The following SMOC2 variants were observed in gnomAD, a reference collection of about 807,000 sequenced individuals.
The protein encoded by SMOC2 is SPARC related modular calcium binding 2, also known as SPARC-related modular calcium-binding protein 2.
In SMOC2, 39 loss-of-function variants were observed where a neutral mutation model predicts 61.4. The observed-to-expected ratio is 0.64, with a 90% CI of 0.49 to 0.83. The LOEUF (loss-of-function observed/expected upper bound fraction) is 0.83, where lower values mean the gene tolerates loss of function less well. Among genes scored for constraint, SMOC2 ranks in the 40% least tolerant of loss-of-function variants. The probability of loss-of-function intolerance (pLI) is 0.00; values close to 1 mark genes in which losing one functional copy is unlikely to be tolerated. For synonymous variants in SMOC2, 247 were observed against 239.9 expected (o/e 1.03, Z -0.27); for missense variants, 556 against 592.9 (o/e 0.94, Z 0.65).
At chr6:168,465,037 C>T (rs1194836042) in intron 1 of SMOC2, among the ~76,000 whole-genome samples, 1 of 152,180 alleles carries the variant, frequency 6.6e-6, no homozygotes, top group African/African-American at 2.4e-5. Flanking sequence ...AGGAGCGGCC[C>T]CACCTTGCCC....
chr6:168,650,399 G>GT (rs1787162462), intron 9 of SMOC2, among the ~76,000 whole-genome samples: 1 of 152,180 alleles, frequency 6.6e-6, no homozygotes, highest in Non-Finnish European at 1.5e-5. Context: ...CGCTGGATGA[G>GT]TGACACTGCC....
chr6:168,619,566 G>A (rs977272739), intron 9 of SMOC2, among the ~76,000 whole-genome samples: 1 of 152,168 alleles, frequency 6.6e-6, no homozygotes, highest in Non-Finnish European at 1.5e-5. Flanking sequence ...TAACAAGTAT[G>A]CTTTTAACTG....
At chr6:168,615,792 G>C (rs78030885) in intron 9 of SMOC2, among the ~76,000 whole-genome samples, 34,457 of 142,968 alleles carry the variant, frequency 0.24, 5,010 homozygotes, top group Non-Finnish European at 0.25. Flanking sequence ...TTTTCTTGGG[G>C]CCCCAAGCAA....
chr6:168,617,057 G>A (rs539883051), intron 9 of SMOC2, among the ~76,000 whole-genome samples: 1 of 152,302 alleles, frequency 6.6e-6, no homozygotes, highest in East Asian at 1.9e-4. Flanking sequence ...AAGAAGGAGC[G>A]ATATGGCTAC....
At chr6:168,449,714 C>T (rs1474964735) in intron 1 of SMOC2, among the ~76,000 whole-genome samples, 1 of 152,188 alleles carries the variant, frequency 6.6e-6, no homozygotes, top group Non-Finnish European at 1.5e-5. Context: ...AGATTCTGGG[C>T]TGTCCAGCTC....
At chr6:168,500,509 C>T (rs1045642778) in intron 1 of SMOC2, among the ~76,000 whole-genome samples, 2 of 152,012 alleles carry the variant, frequency 1.3e-5, no homozygotes, top group Admixed American at 1.3e-4. Flanking sequence ...AGGGTCTCCG[C>T]GTGGTCATGC....
At position 168,598,990 on chromosome 6, in the gene SMOC2, C is replaced by A. The variant is rs41266325; in HGVS notation, c.810C>A (p.Pro270=). 3.1e-6 allele frequency: 5 copies of A among 1,605,532 alleles called. No individual in the cohort carries two copies. The Admixed American group carries it at 8.6e-5, about 28-fold the overall frequency. Residue 270 remains proline, a synonymous_variant, in exon 8 of 13, where the codon CCC becomes CCA. Transcript: ENST00000356284. The part of the protein sequence containing the change: ...CVLVDTGRPI[P]GTSTRYEQPK... ...TGGTGGACACGGGGCGCCCCATTCCCGGCACATCCACAAGGTAAATAGGGT... is the reference window on the plus strand; with the variant it reads ...TGGTGGACACGGGGCGCCCCATTCCAGGCACATCCACAAGGTAAATAGGGT...
At chr6:168,486,379 C>T (rs993896132) in intron 1 of SMOC2, among the ~76,000 whole-genome samples, 1 of 152,092 alleles carries the variant, frequency 6.6e-6, no homozygotes, top group Non-Finnish European at 1.5e-5. Context: ...AGAAGCTTTG[C>T]ACTCCAACAT....
chr6:168,487,055 C>T (rs1184797046), intron 1 of SMOC2, among the ~76,000 whole-genome samples: 1 of 152,192 alleles, frequency 6.6e-6, no homozygotes, highest in Non-Finnish European at 1.5e-5. Context: ...ACATGGCCCT[C>T]GCTGGCCTTT....
intron 7 of SMOC2, among the ~76,000 whole-genome samples, chr6:168,590,385 G>A (rs1422108245): frequency 2.5e-5 from 3 of 119,796 alleles, no homozygotes; most frequent in African/African-American, 9.4e-5. Flanking sequence ...CCGGTCTGGT[G>A]GTGGTCAGGT....
rs545628285 is a variant in SMOC2 at position 168,608,137 on chromosome 6, C to A, written c.825-20C>A. 1 of 1,599,910 alleles carries A rather than the reference C, an allele frequency of 6.3e-7. No individual in the cohort carries two copies. Among genetic ancestry groups the A allele is most frequent in the East Asian group, 2.3e-5 (1 of 44,308 alleles). On this transcript the variant is annotated intron_variant, in intron 8 of 12. Coordinates refer to ENST00000356284, the MANE Select transcript of SMOC2 (RefSeq NM_001166412.2). Reference sequence around the variant, plus strand: ...CCCGTTGTTTTCTCTCTCCTTCCCCCGCCTTCCCCCCGCCCATAGGTACGA... The same window carrying A: ...CCCGTTGTTTTCTCTCTCCTTCCCCAGCCTTCCCCCCGCCCATAGGTACGA...
At position 168,550,126 on chromosome 6, in the gene SMOC2, T is replaced by C. The variant is rs568405122; in HGVS notation, c.637+923T>C. ...CAGTTGATTGCTTGTGTGTTTCTCA[T>C]TGCCTTTTCAAATAAGAATTTCACA... is the stretch of plus-strand genomic sequence containing the variant. On this transcript the variant is annotated intron_variant, in intron 7 of 12. Coordinates refer to ENST00000356284, the MANE Select transcript of SMOC2 (RefSeq NM_001166412.2). Among the ~76,000 whole-genome samples, 9 of 152,320 alleles carry C rather than the reference T, an allele frequency of 5.9e-5. No homozygotes were observed. The South Asian group carries it at 1.9e-3, about 32-fold the overall frequency.
chr6:168,601,766 T>G (rs1426738700), intron 8 of SMOC2, among the ~76,000 whole-genome samples: 2 of 152,220 alleles, frequency 1.3e-5, no homozygotes, highest in Non-Finnish European at 2.9e-5. Flanking sequence ...CAGCATTTAC[T>G]ACGCTGTGCC....
At chr6:168,519,007 GTA>G (rs1286492602) in intron 2 of SMOC2, among the ~76,000 whole-genome samples, 3 of 143,308 alleles carry the variant, frequency 2.1e-5, no homozygotes, top group African/African-American at 7.5e-5. Flanking sequence ...GCATGTGTGA[GTA>G]TGCGTGCATG....
intron 1 of SMOC2, among the ~76,000 whole-genome samples, chr6:168,505,873 A>C (rs1201431570): frequency 6.6e-6 from 1 of 152,170 alleles, no homozygotes; most frequent in Non-Finnish European, 1.5e-5. Flanking sequence ...CTCTTCACGC[A>C]CTGGGCCTCA....
At chr6:168,511,232 C>T (rs1460087571) in intron 2 of SMOC2, among the ~76,000 whole-genome samples, 2 of 152,152 alleles carry the variant, frequency 1.3e-5, no homozygotes, top group African/African-American at 4.8e-5. Flanking sequence ...TCTCACACTG[C>T]TAATAAAGAC....
At chr6:168,652,890 A>T (rs746771012) in intron 10 of SMOC2, 64 bp from the exon 11 acceptor site, 109 of 1,522,128 alleles carry the variant, frequency 7.2e-5, no homozygotes, top group Non-Finnish European at 2.2e-5. Flanking sequence ...TGAGGGAAGG[A>T]CAGTGGCCAG....
In SMOC2 at chr6:168,509,972, C is replaced by T. The variant is rs201929009; in HGVS notation, c.142C>T (p.Pro48Ser). The change falls in exon 2 of 13, where the codon CCC becomes TCC. Residue 48 changes from proline to serine, a missense_variant. Coordinates refer to ENST00000356284, the MANE Select transcript of SMOC2 (RefSeq NM_001166412.2). ...KDCSLDCAGS[P>S]QKPLCASDGR... ...TTGTAGCTTGGACTGTGCGGGTTCG[C>T]CCCAGAAACCTCTCTGCGCATCTGA... is the stretch of plus-strand genomic sequence containing the variant. 47 of 1,614,174 alleles carry T rather than the reference C, an allele frequency of 2.9e-5. No homozygotes were observed. Among genetic ancestry groups the T allele is most frequent in the Non-Finnish European group, 3.0e-5 (35 of 1,180,020 alleles).
rs35958554 is a variant in SMOC2 at position 168,589,076 on chromosome 6, C to CAAA, written c.638-9724_638-9722dup. Among the ~76,000 whole-genome samples the CAAA allele has an allele frequency of 3.1e-3, 280 of 89,826 alleles. 5 individuals carry two copies. The highest frequency in any genetic ancestry group is 9.1e-3 in the African/African-American group (209 of 22,898). The allele number at this position is 89,826 out of a possible 152,430, so 58.9% of individuals were successfully genotyped here. A position where few individuals can be genotyped will look rare whatever the true frequency, so the allele number is the denominator to read the frequency against. On this transcript the variant is annotated intron_variant, in intron 7 of 12. Transcript: ENST00000356284. ...TGCATGACAGAGGGAGAATTCGTCT[C>CAAA]AAAAAAAAAAAAAAAAAAAAGGAGT...
Sources: gnomAD v4.1 joint callset for allele counts (sites outside exome capture counted in the v4.1 genomes callset) on GRCh38, gnomAD v4.1.1 for gene constraint, MANE v1.5 for transcripts, NCBI Gene and HGNC (gene_info 2026-07-23, HGNC 2026-07-21) for gene names.